Variants in DIP2C observed in about 807,000 individuals in gnomAD.
DIP2C encodes the protein disco-interacting protein 2 homolog C.
DIP2C carries 33 observed loss-of-function variants against 192.4 expected under a neutral mutation model. That is an observed-to-expected ratio of 0.17 (90% confidence interval 0.13 to 0.23). DIP2C has a LOEUF of 0.23. DIP2C is among the 10% of genes least tolerant of loss of function. The pLI, the probability that DIP2C is intolerant of heterozygous loss-of-function variation, is 1.00. For missense variants in DIP2C, 1,537 were observed against 2,110.1 expected (o/e 0.73, Z 5.32); for synonymous variants, 979 against 864.1 (o/e 1.13, Z -2.33).
intron 33 of DIP2C, among the ~76,000 whole-genome samples, chr10:287,108 T>C (rs1955182720): frequency 6.6e-6 from 1 of 151,896 alleles, no homozygotes; most frequent in Non-Finnish European, 1.5e-5. Context: ...AGCATTTCCT[T>C]CTTTTTTTTT....
rs969242102 is a variant in DIP2C at position 666,393 on chromosome 10, G to A, written c.85+23101C>T. The A allele has an allele frequency of 1.3e-5, 2 of 152,226 alleles. No homozygotes were observed. The highest frequency in any genetic ancestry group is 1.5e-5 in the Non-Finnish European group (1 of 68,094). 9.4% of individuals were successfully genotyped at this position (152,226 alleles called of 1,614,324 possible). A position where few individuals can be genotyped will look rare whatever the true frequency, so the allele number is the denominator to read the frequency against. Reference sequence around the variant, plus strand: ...CCCTCCCTCACCGCCCTCCCGCACTGATGTGAACACGGGAGTAACACCGCG... The same window carrying A: ...CCCTCCCTCACCGCCCTCCCGCACTAATGTGAACACGGGAGTAACACCGCG... On this transcript the variant is annotated intron_variant, in intron 1 of 36. Coordinates refer to ENST00000280886, the MANE Select transcript of DIP2C (RefSeq NM_014974.3). The surrounding 1 kb of genome is among the most constrained non-coding windows in gnomAD (Gnocchi z 4.1).
chr10:457,790 A>T (rs1163877112), intron 3 of DIP2C, among the ~76,000 whole-genome samples: 1 of 152,136 alleles, frequency 6.6e-6, no homozygotes, highest in Non-Finnish European at 1.5e-5. Flanking sequence ...TCCTGTCTTC[A>T]AGCTCTCCTC....
intron 29 of DIP2C, among the ~76,000 whole-genome samples, chr10:334,398 T>C (rs1182847764): frequency 6.6e-6 from 1 of 151,908 alleles, no homozygotes; most frequent in Non-Finnish European, 1.5e-5. Flanking sequence ...TTTCCCAGAC[T>C]GTGGCTTGTC....
chr10:529,828 G>A (rs11253026), intron 1 of DIP2C, among the ~76,000 whole-genome samples: 6,405 of 152,302 alleles, frequency 0.042, 210 homozygotes, highest in East Asian at 0.15. Flanking sequence ...CACCCAGGCC[G>A]GAGTGCAGTA....
At chr10:365,048 A>C (rs1310517598) in intron 19 of DIP2C, 1 of 527,486 alleles carries the variant, frequency 1.9e-6, no homozygotes, top group Non-Finnish European at 3.9e-6. Flanking sequence ...TAAGGAAGCA[A>C]ATCAGATCAG....
intron 1 of DIP2C, among the ~76,000 whole-genome samples, chr10:671,321 C>T (rs34825104): frequency 0.98 from 142,775 of 145,066 alleles, 70,268 homozygotes; most frequent in Non-Finnish European, 0.99. Context: ...ACGGAGGAAA[C>T]GCCACAGACG....
At chr10:574,463 T>C (rs1288308009) in intron 1 of DIP2C, among the ~76,000 whole-genome samples, 1 of 152,234 alleles carries the variant, frequency 6.6e-6, no homozygotes, top group Non-Finnish European at 1.5e-5. Context: ...GACAGCCTCA[T>C]ATGACGTGTG....
At position 629,674 on chromosome 10, in the gene DIP2C, C is replaced by T. The variant is rs986840057; in HGVS notation, c.85+59820G>A. Among the ~76,000 whole-genome samples the T allele has an allele frequency of 3.9e-5, 6 of 152,252 alleles. 1 individual carries two copies. The highest frequency in any genetic ancestry group is 3.3e-4 in the Admixed American group (5 of 15,298). ...CAGGCCCGGCCTCACTGCTTTAACC[C>T]GCGCTGGGGGAAGGAAGCCCTCGCT... is the stretch of plus-strand genomic sequence containing the variant. On this transcript the variant is annotated intron_variant, in intron 1 of 36. Transcript: ENST00000280886.
rs559736951 is a variant in DIP2C, at chr10:666,174, T to C, written c.85+23320A>G. On this transcript the variant is annotated intron_variant, in intron 1 of 36. Transcript: ENST00000280886. The surrounding 1 kb of genome is among the most constrained non-coding windows in gnomAD (Gnocchi z 4.1). ...GGTGACATATGTAATTGTGAGTTTT[T>C]GTTTTCTCCGAACTGGCCTTATTAT... is the stretch of plus-strand genomic sequence containing the variant. The C allele has an allele frequency of 1.3e-5, 2 of 152,340 alleles. No individual in the cohort carries two copies. Among genetic ancestry groups the C allele is most frequent in the East Asian group, 3.9e-4 (2 of 5,182 alleles). 9.4% of individuals were successfully genotyped at this position (152,340 alleles called of 1,614,324 possible). A position where few individuals can be genotyped will look rare whatever the true frequency, so the allele number is the denominator to read the frequency against.
chr10:369,888 C>G, intron 17 of DIP2C: 2 of 1,368,476 alleles, frequency 1.5e-6, no homozygotes, highest in Non-Finnish European at 1.9e-6. Flanking sequence ...CAACGCAGCT[C>G]CTCTCCTGCC....
rs562605907 is a variant in DIP2C, at chr10:504,669, G to A, written c.86-18139C>T. Among the ~76,000 whole-genome samples, 8 of 152,338 alleles carry A rather than the reference G, an allele frequency of 5.3e-5. No individual in the cohort carries two copies. The East Asian group carries it at 1.5e-3, about 29-fold the overall frequency. On this transcript the variant is annotated intron_variant, in intron 1 of 36. Coordinates refer to ENST00000280886, the MANE Select transcript of DIP2C (RefSeq NM_014974.3). Reference sequence around the variant, plus strand: ...CAAGTGACAAGATGAGACGCTTCCCGTGTTCCCATGTTCTGTCACTTTAAC... The same window carrying A: ...CAAGTGACAAGATGAGACGCTTCCCATGTTCCCATGTTCTGTCACTTTAAC...
Position 414,739 on chromosome 10 carries a change from G to GTGTGTGTGTGTGTATATA in DIP2C, c.860-630_860-629insTATATACACACACACACA. ...TGTGTGTGTGTGTGTGTGTGTGTGT[G>GTGTGTGTGTGTGTATATA]TACATATATATATATATAATGTGTA... On this transcript the variant is annotated intron_variant, in intron 7 of 36. Coordinates refer to ENST00000280886, the MANE Select transcript of DIP2C (RefSeq NM_014974.3). 2.2e-4 allele frequency among the ~76,000 whole-genome samples: 20 copies of GTGTGTGTGTGTGTATATA among 90,534 alleles called. 2 individuals are homozygous for GTGTGTGTGTGTGTATATA. The highest frequency in any genetic ancestry group is 6.3e-3 in the Middle Eastern group (1 of 158). The allele number at this position is 90,534 out of a possible 152,430, so 59.4% of individuals were successfully genotyped here. A position where few individuals can be genotyped will look rare whatever the true frequency, so the allele number is the denominator to read the frequency against.
At chr10:490,353 A>T (rs1844344536) in intron 1 of DIP2C, among the ~76,000 whole-genome samples, 1 of 152,272 alleles carries the variant, frequency 6.6e-6, no homozygotes, top group South Asian at 2.1e-4. Flanking sequence ...GCTCCGAAAG[A>T]GGGCACATCC....
intron 4 of DIP2C, among the ~76,000 whole-genome samples, chr10:427,728 T>C (rs1053130905): frequency 3.0e-4 from 46 of 152,346 alleles, no homozygotes; most frequent in African/African-American, 1.1e-3. Flanking sequence ...TTCACATCAA[T>C]TAGAATGGCA....
intron 14 of DIP2C, among the ~76,000 whole-genome samples, chr10:386,023 C>T (rs1055395330): frequency 6.6e-5 from 10 of 152,184 alleles, no homozygotes; most frequent in East Asian, 1.9e-4. Context: ...AGCTGTACCC[C>T]GGAGCACGGA....
At chr10:640,635 G>T (rs1164190932) in intron 1 of DIP2C, among the ~76,000 whole-genome samples, 2 of 151,790 alleles carry the variant, frequency 1.3e-5, no homozygotes, top group African/African-American at 4.8e-5. Context: ...CTGCGCGCGG[G>T]GATGAGGGTG....
intron 1 of DIP2C, among the ~76,000 whole-genome samples, chr10:513,426 T>G (rs896778168): frequency 2.0e-5 from 3 of 152,238 alleles, no homozygotes; most frequent in Admixed American, 1.3e-4. Flanking sequence ...ATCCACTGCA[T>G]GCTGCAGCCC....
intron 2 of DIP2C, among the ~76,000 whole-genome samples, chr10:479,625 C>T (rs968526507): frequency 2.6e-5 from 4 of 152,156 alleles, no homozygotes; most frequent in Non-Finnish European, 4.4e-5. Flanking sequence ...TGAGCCAATG[C>T]GCCCGTCCCC....
intron 17 of DIP2C, among the ~76,000 whole-genome samples, chr10:370,414 G>A (rs754097200): frequency 2.6e-5 from 4 of 152,112 alleles, no homozygotes; most frequent in East Asian, 1.9e-4. Flanking sequence ...ACGTCCACAC[G>A]GCCCTCTCCC....
Sources: gnomAD v4.1 joint callset for allele counts (sites outside exome capture counted in the v4.1 genomes callset) on GRCh38, gnomAD v4.1.1 for gene constraint, Gnocchi (gnomAD v3.1) non-coding constraint, MANE v1.5 for transcripts, NCBI Gene and HGNC (gene_info 2026-07-23, HGNC 2026-07-21) for gene names.